Variants in ZFP64 observed in about 807,000 individuals in gnomAD.
ZFP64 encodes the protein zinc finger protein 64.
Under a neutral mutation model 51.6 loss-of-function variants are expected in ZFP64, and 14 were observed. That is an observed-to-expected ratio of 0.27 (90% confidence interval 0.18 to 0.42). The LOEUF (loss-of-function observed/expected upper bound fraction) is 0.42. ZFP64 is among the 10% of genes least tolerant of loss of function. The probability of loss-of-function intolerance (pLI) is 1.00; values close to 1 mark genes in which losing one functional copy is unlikely to be tolerated. For missense variants in ZFP64, 754 were observed against 906.8 expected (o/e 0.83, Z 2.16); for synonymous variants, 375 against 361.4 (o/e 1.04, Z -0.43).
chr20:52,117,658 T>C (rs1006574152), intron 5 of ZFP64: 2 of 456,642 alleles, frequency 4.4e-6, no homozygotes, highest in Admixed American at 4.7e-5. Flanking sequence ...AAGATTCCCA[T>C]GTGACTTCTT....
intron 5 of ZFP64, among the ~76,000 whole-genome samples, chr20:52,124,336 G>A (rs1979344322): frequency 6.6e-6 from 1 of 152,140 alleles, no homozygotes; most frequent in Non-Finnish European, 1.5e-5. Context: ...CACTACAAGT[G>A]ATTGCTTCTG....
At position 52,144,203 on chromosome 20, in the gene ZFP64, A is replaced by G. The variant is rs1008784044; in HGVS notation, c.763+15920T>C. On this transcript the variant is annotated intron_variant, in intron 5 of 8. Coordinates refer to the ZFP64 transcript ENST00000361387. ...AAAATATATAGCTTTAAATGTTTTT[A>G]TTACTAAAGACTAAGTGAACTTAAT... Among the ~76,000 whole-genome samples, 6 of 143,324 alleles carry G rather than the reference A, an allele frequency of 4.2e-5. 1 individual carries two copies. The highest frequency in any genetic ancestry group is 1.5e-4 in the African/African-American group (6 of 40,044). The allele number at this position is 143,324 out of a possible 152,430, so 94.0% of individuals were successfully genotyped here.
intron 5 of ZFP64, among the ~76,000 whole-genome samples, chr20:52,102,620 A>T (rs1327959337): frequency 6.6e-6 from 1 of 152,220 alleles, no homozygotes; most frequent in Non-Finnish European, 1.5e-5. Context: ...AATTCCACAG[A>T]AGTCAAGCAA....
Position 52,110,804 on chromosome 20 carries a change from G to A in ZFP64, c.764-12217C>T. 3 of 1,595,814 alleles carry A rather than the reference G, an allele frequency of 1.9e-6. No individual in the cohort carries two copies. The South Asian group carries it at 3.3e-5, about 18-fold the overall frequency. ...AAGACTGGGTAGCTCTCTTTGAGCA[G>A]CTTGTATTTCTCACTCAGCTCCATG... On this transcript the variant is annotated intron_variant, in intron 5 of 8. Coordinates refer to the ZFP64 transcript ENST00000361387.
chr20:52,145,157 AC>A (rs1351701937), intron 5 of ZFP64, among the ~76,000 whole-genome samples: 1 of 152,242 alleles, frequency 6.6e-6, no homozygotes, highest in Non-Finnish European at 1.5e-5. Flanking sequence ...CAGAGATAGC[AC>A]TAAAAAAGAA....
chr20:52,084,968 G>C, exon 9 of ZFP64: 1 of 1,613,958 alleles, frequency 6.2e-7, no homozygotes, highest in Non-Finnish European at 8.5e-7. Flanking sequence ...GCACGCGCAG[G>C]GCGGCCGCGC....
Position 52,151,606 on chromosome 20 carries a change from T to C in ZFP64, c.*540A>G. 3.0e-6 allele frequency: 3 copies of C among 986,670 alleles called. No individual in the cohort carries two copies. Among genetic ancestry groups the C allele is most frequent in the Non-Finnish European group, 3.6e-6 (3 of 830,768 alleles). The allele number at this position is 986,670 out of a possible 1,614,324, so 61.1% of individuals were successfully genotyped here. A position where few individuals can be genotyped will look rare whatever the true frequency, so the allele number is the denominator to read the frequency against. On this transcript the variant is annotated 3_prime_UTR_variant, in exon 6 of 6. Transcript: ENST00000216923. The stretch of plus-strand genomic sequence containing the variant: ...ATTCCAACCCCTCATTGGAATCATC[T>C]TGGTAACATTTAAGATTCTACAACA...
chr20:52,149,186 G>C (rs1473041087), downstream of ZFP64, among the ~76,000 whole-genome samples: 4 of 151,436 alleles, frequency 2.6e-5, 1 homozygote. Context: ...CATCAGGGAT[G>C]AGACTATCAT....
At chr20:52,180,865 C>T (rs1983563956) in intron 2 of ZFP64, among the ~76,000 whole-genome samples, 1 of 152,162 alleles carries the variant, frequency 6.6e-6, no homozygotes, top group Admixed American at 6.5e-5. Flanking sequence ...GATATGAACC[C>T]AAGCAGTCTG....
In ZFP64 at chr20:52,151,634, T is replaced by C; in HGVS notation, c.*512A>G. 4.0e-6 allele frequency: 4 copies of C among 989,224 alleles called. No homozygotes were observed. Among genetic ancestry groups the C allele is most frequent in the South Asian group, 4.6e-5 (1 of 21,630 alleles). 61.3% of individuals were successfully genotyped at this position (989,224 alleles called of 1,614,324 possible). On this transcript the variant is annotated 3_prime_UTR_variant, in exon 6 of 6. Coordinates refer to ENST00000216923, the MANE Select transcript of ZFP64 (RefSeq NM_018197.3). ...GTAACATTTAAGATTCTACAACAGT[T>C]ATAATGCGACGATTCAGAGGTGGTC... is the stretch of plus-strand genomic sequence containing the variant.
chr20:52,124,236 G>A (rs1158102216), intron 5 of ZFP64, among the ~76,000 whole-genome samples: 13 of 139,996 alleles, frequency 9.3e-5, no homozygotes, highest in Non-Finnish European at 2.0e-4. Flanking sequence ...ACTAGAGTAA[G>A]AGCCCATTAA....
At chr20:52,100,744 G>A (rs1007061880) in intron 5 of ZFP64, among the ~76,000 whole-genome samples, 7 of 152,214 alleles carry the variant, frequency 4.6e-5, no homozygotes, top group African/African-American at 1.7e-4. Context: ...TCAGCTATGT[G>A]CTGTGCAACT....
intron 5 of ZFP64, among the ~76,000 whole-genome samples, chr20:52,134,606 G>C (rs1463799945): frequency 6.6e-6 from 1 of 152,056 alleles, no homozygotes; most frequent in Non-Finnish European, 1.5e-5. Flanking sequence ...AGAGTTTATA[G>C]GCCATTCCCA....
intron 5 of ZFP64, among the ~76,000 whole-genome samples, chr20:52,129,272 T>G (rs528544225): frequency 6.6e-6 from 1 of 151,750 alleles, no homozygotes; most frequent in Non-Finnish European, 1.5e-5. Flanking sequence ...TTTCTTTTTT[T>G]TTTTGTATTT....
rs775801961 is a variant in ZFP64 at position 52,153,057 on chromosome 20, C to T, written c.1135G>A (p.Asp379Asn). 6.2e-7 allele frequency: 1 copy of T among 1,614,074 alleles called. No individual in the cohort carries two copies. ...CTCAGGTTGCTGGGCTGTTTGGTGTCGAAGCTGCAGTAGTTGCACTTGAAA... is the reference window on the plus strand; with the variant it reads ...CTCAGGTTGCTGGGCTGTTTGGTGTTGAAGCTGCAGTAGTTGCACTTGAAA... The part of the protein sequence containing the change: ...RPFKCNYCSF[D>N]TKQPSNLSKH... Residue 379 changes from aspartate to asparagine, a missense_variant, in exon 6 of 6, where the codon GAC becomes AAC. Transcript: ENST00000216923. This position sits in a 1 kb window ranked among gnomAD's most constrained non-coding sequence, Gnocchi z 5.1.
At chr20:52,184,547 C>T (rs1568707391) in intron 2 of ZFP64, among the ~76,000 whole-genome samples, 1 of 152,214 alleles carries the variant, frequency 6.6e-6, no homozygotes, top group Admixed American at 6.5e-5. Flanking sequence ...TGTGACTACA[C>T]ACAGATCCAA....
chr20:52,144,388 G>A lies in ZFP64; in HGVS notation c.763+15735C>T, dbSNP rs148651235. Among the ~76,000 whole-genome samples, 518 of 105,798 alleles carry A rather than the reference G, an allele frequency of 4.9e-3. 17 individuals are homozygous for A. The highest frequency in any genetic ancestry group is 0.016 in the Middle Eastern group (3 of 188). The allele number at this position is 105,798 out of a possible 152,430, so 69.4% of individuals were successfully genotyped here. A position where few individuals can be genotyped will look rare whatever the true frequency, so the allele number is the denominator to read the frequency against. ...AGGTCAAGAGATCAAGACTATCCTG[G>A]TCAACATGGTGAAACCCCGTCTCTA... On this transcript the variant is annotated intron_variant, in intron 5 of 8. Transcript: ENST00000361387.
chr20:52,123,346 A>G (rs1979288368), intron 5 of ZFP64, among the ~76,000 whole-genome samples: 1 of 152,206 alleles, frequency 6.6e-6, no homozygotes, highest in Non-Finnish European at 1.5e-5. Context: ...TTGCAGTTAA[A>G]ATGCTATCAA....
intron 2 of ZFP64, among the ~76,000 whole-genome samples, chr20:52,182,469 A>T (rs1483123602): frequency 1.3e-5 from 2 of 152,170 alleles, no homozygotes; most frequent in Non-Finnish European, 2.9e-5. Flanking sequence ...CTGTAATCCC[A>T]GCACTTTGGG....
Sources: gnomAD v4.1 joint callset for allele counts (sites outside exome capture counted in the v4.1 genomes callset) on GRCh38, gnomAD v4.1.1 for gene constraint, Gnocchi (gnomAD v3.1) non-coding constraint, MANE v1.5 for transcripts, NCBI Gene and HGNC (gene_info 2026-07-23, HGNC 2026-07-21) for gene names.